Variants in VPS13B observed in about 807,000 individuals in gnomAD.
The protein encoded by VPS13B is vacuolar protein sorting 13 homolog B, also known as intermembrane lipid transfer protein VPS13B.
Under a neutral mutation model 426.4 loss-of-function variants are expected in VPS13B, and 285 were observed. That is an observed-to-expected ratio of 0.67 (90% CI 0.61 to 0.74). VPS13B has a LOEUF of 0.74. Among genes scored for constraint, VPS13B ranks in the 30% least tolerant of loss-of-function variants. The probability of loss-of-function intolerance (pLI) is 0.00; values close to 1 mark genes in which losing one functional copy is unlikely to be tolerated. For synonymous variants in VPS13B, 1,676 were observed against 1,676.4 expected, an observed-to-expected ratio of 1.00 and a Z score of 0.01; for missense variants, 4,537 against 4,782.6, an observed-to-expected ratio of 0.95 and a Z score of 1.51.
intron 39 of VPS13B, among the ~76,000 whole-genome samples, chr8:99,758,769 T>C (rs1158649456): frequency 2.6e-5 from 4 of 152,154 alleles, no homozygotes; most frequent in African/African-American, 9.7e-5. Context: ...CACTTTGCCC[T>C]CTGGATCATC....
chr8:99,831,076 C>CTTTTCTTTTTTTTTTTT (rs1554573283), intron 51 of VPS13B, among the ~76,000 whole-genome samples: 1 of 120,084 alleles, frequency 8.3e-6, no homozygotes, highest in Non-Finnish European at 1.7e-5. Flanking sequence ...GTGTTTTTTT[C>CTTTTCTTTTTTTTTTTT]TTTTTTTTTT....
chr8:99,672,474 C>G (rs187736969), intron 35 of VPS13B, among the ~76,000 whole-genome samples: 92 of 152,120 alleles, frequency 6.0e-4, no homozygotes, highest in Middle Eastern at 6.8e-3. Flanking sequence ...TTTTTAATCA[C>G]GCAAATTCAC....
intron 2 of VPS13B, among the ~76,000 whole-genome samples, chr8:99,031,149 A>G (rs1218252961): frequency 3.9e-5 from 6 of 151,978 alleles, no homozygotes; most frequent in Non-Finnish European, 8.8e-5. Flanking sequence ...CAAGTTCACA[A>G]ATTCTTCTGC....
intron 16 of VPS13B, among the ~76,000 whole-genome samples, chr8:99,179,824 AT>A (rs1389921647): frequency 1.3e-5 from 2 of 152,016 alleles, no homozygotes; most frequent in African/African-American, 4.8e-5. Context: ...TTCTTTAACA[AT>A]TTCAATTTTT....
chr8:99,177,102 G>T (rs1812673742), intron 16 of VPS13B, among the ~76,000 whole-genome samples: 2 of 152,158 alleles, frequency 1.3e-5, no homozygotes, highest in South Asian at 4.1e-4. Context: ...TATTAGCAAG[G>T]AAGTGATGAG....
intron 19 of VPS13B, among the ~76,000 whole-genome samples, chr8:99,318,344 A>G (rs968532363): frequency 6.6e-5 from 10 of 152,196 alleles, no homozygotes; most frequent in African/African-American, 9.6e-5. Context: ...AGATTGATGA[A>G]TAAATTCCAG....
chr8:99,617,597 G>A (rs940650786), intron 33 of VPS13B, among the ~76,000 whole-genome samples: 2 of 152,174 alleles, frequency 1.3e-5, no homozygotes, highest in African/African-American at 4.8e-5. Context: ...AAATTGCTGA[G>A]ACTACAGGCG....
rs1236054464 is a variant in VPS13B at position 99,422,468 on chromosome 8, T to A, written c.3083-9069T>A. 3.3e-5 allele frequency among the ~76,000 whole-genome samples: 5 copies of A among 152,262 alleles called. No homozygotes were observed. In the South Asian group the frequency reaches 6.2e-4, roughly 19 times the overall value. ...AATGGTAATAATAGTACTCATATAG[T>A]ACTAATATTTTTCATCGGTAGGTTT... On this transcript the variant is annotated intron_variant, in intron 21 of 61. Transcript: ENST00000357162.
intron 25 of VPS13B, among the ~76,000 whole-genome samples, chr8:99,495,834 C>T (rs1424972618): frequency 3.3e-5 from 5 of 151,866 alleles, no homozygotes; most frequent in East Asian, 3.9e-4. Context: ...AAATTTTATT[C>T]TTAGCTTATT....
At chr8:99,844,844 C>G (rs1360143495) in intron 54 of VPS13B, among the ~76,000 whole-genome samples, 1 of 152,170 alleles carries the variant, frequency 6.6e-6, no homozygotes, top group Non-Finnish European at 1.5e-5. Flanking sequence ...TGGAATCTCT[C>G]TATTATCTTC....
intron 41 of VPS13B, among the ~76,000 whole-genome samples, chr8:99,777,938 C>G (rs996744593): frequency 1.3e-5 from 2 of 152,006 alleles, no homozygotes; most frequent in Non-Finnish European, 2.9e-5. Flanking sequence ...CAGATTAAAA[C>G]CAAACACAGC....
intron 33 of VPS13B, among the ~76,000 whole-genome samples, chr8:99,583,089 C>T (rs1826153985): frequency 6.6e-6 from 1 of 152,184 alleles, no homozygotes; most frequent in African/African-American, 2.4e-5. Context: ...TAAAACTTAT[C>T]GAATAGCATC....
intron 19 of VPS13B, among the ~76,000 whole-genome samples, chr8:99,364,072 C>G (rs1812705193): frequency 6.6e-6 from 1 of 152,116 alleles, no homozygotes; most frequent in African/African-American, 2.4e-5. Flanking sequence ...CTGATTTTCC[C>G]CATTCAGTAT....
At chr8:99,219,747 C>T (rs1194199143) in intron 17 of VPS13B, among the ~76,000 whole-genome samples, 1 of 152,172 alleles carries the variant, frequency 6.6e-6, no homozygotes, top group Admixed American at 6.5e-5. Context: ...ATGACCTAAA[C>T]ATCTCTTAAA....
Position 99,831,501 on chromosome 8 carries a change from C to T in VPS13B, c.9331-868C>T, listed in dbSNP as rs187971752. On this transcript the variant is annotated intron_variant, in intron 51 of 61. Transcript: ENST00000357162. The stretch of plus-strand genomic sequence containing the variant: ...CCTTTGTCTGCACTTTTACCTCCTG[C>T]TTTCAGCTCCTAAAAATTATGTTAG... Among the ~76,000 whole-genome samples, 15 of 152,278 alleles carry T rather than the reference C, an allele frequency of 9.9e-5. No individual in the cohort carries two copies. In the East Asian group the frequency reaches 2.5e-3, roughly 25 times the overall value.
chr8:99,271,229 AC>A (rs1818582910), intron 17 of VPS13B, among the ~76,000 whole-genome samples: 1 of 150,930 alleles, frequency 6.6e-6, no homozygotes, highest in Admixed American at 6.6e-5. Flanking sequence ...TACTACTACT[AC>A]TACTACTACT....
intron 39 of VPS13B, among the ~76,000 whole-genome samples, chr8:99,756,330 T>A (rs1810642198): frequency 1.3e-5 from 2 of 152,024 alleles, no homozygotes; most frequent in Non-Finnish European, 2.9e-5. Context: ...TTTTAAAAAA[T>A]GAAGAAAAAT....
At chr8:99,350,051 G>C (rs1811792286) in intron 19 of VPS13B, among the ~76,000 whole-genome samples, 1 of 152,156 alleles carries the variant, frequency 6.6e-6, no homozygotes, top group Admixed American at 6.6e-5. Context: ...GGTTCTGTTG[G>C]TTTGGAAGAT....
At chr8:99,048,633 GGTGAAACCC>G (rs1474960140) in intron 3 of VPS13B, among the ~76,000 whole-genome samples, 1 of 152,084 alleles carries the variant, frequency 6.6e-6, no homozygotes, top group Non-Finnish European at 1.5e-5. Flanking sequence ...TGGCCAACAT[GGTGAAACCC>G]CTTCTCTGCT....
Sources: gnomAD v4.1 joint callset for allele counts (sites outside exome capture counted in the v4.1 genomes callset) on GRCh38, gnomAD v4.1.1 for gene constraint, MANE v1.5 for transcripts, NCBI Gene and HGNC (gene_info 2026-07-23, HGNC 2026-07-21) for gene names.